Variants in GLDC observed in about 807,000 individuals in gnomAD.
GLDC encodes the protein glycine decarboxylase, also known as glycine dehydrogenase (decarboxylating), mitochondrial.
In GLDC, 104 loss-of-function variants were observed where a neutral mutation model predicts 121.3. The ratio of observed to expected loss-of-function variants is 0.86; its 90% confidence interval spans 0.73 to 1.01. The LOEUF (loss-of-function observed/expected upper bound fraction) is 1.01, where lower values mean the gene tolerates loss of function less well. Among genes scored for constraint, GLDC ranks in the 50% least tolerant of loss-of-function variants. GLDC has a pLI of 0.00. For synonymous variants in GLDC, 546 were observed against 480.6 expected (o/e 1.14, Z -1.78); for missense variants, 1,429 against 1,306.6 (o/e 1.09, Z -1.44).
chr9:6,550,935 G>A (rs374335665), intron 20 of GLDC, 21 bp from the exon 21 acceptor site: 1 of 1,453,858 alleles, frequency 6.9e-7, no homozygotes, highest in African/African-American at 1.4e-5. Flanking sequence ...GGGAAAAAGA[G>A]CCATTAGCCA....
At chr9:6,549,637 C>T (rs1212931498) in intron 21 of GLDC, among the ~76,000 whole-genome samples, 1 of 152,116 alleles carries the variant, frequency 6.6e-6, no homozygotes, top group Non-Finnish European at 1.5e-5. Flanking sequence ...GTCCTGAGCC[C>T]ACAGCCCAAT....
intron 24 of GLDC, 84 bp from the exon 25 acceptor site, chr9:6,533,244 C>T (rs1317507372): frequency 3.8e-6 from 4 of 1,056,864 alleles, no homozygotes; most frequent in Non-Finnish European, 6.0e-6. Context: ...GCTAGTCCCA[C>T]AACCTAAGAC....
intron 21 of GLDC, among the ~76,000 whole-genome samples, chr9:6,548,109 A>G (rs1817435997): frequency 6.6e-6 from 1 of 152,208 alleles, no homozygotes; most frequent in Admixed American, 6.5e-5. Context: ...ACTGCACTTC[A>G]GCCTGGACAA....
intron 24 of GLDC, chr9:6,534,310 A>T (rs866264395): frequency 3.7e-6 from 1 of 273,316 alleles, no homozygotes; most frequent in Admixed American, 4.3e-5. Context: ...TAAACAGCAC[A>T]TAGCATAATT....
chr9:6,598,027 C>A (rs1471853793), intron 8 of GLDC, among the ~76,000 whole-genome samples: 2 of 152,058 alleles, frequency 1.3e-5, no homozygotes, highest in African/African-American at 4.8e-5. Flanking sequence ...AAAATTGTTT[C>A]TTTTCCTTTT....
At position 6,534,845 on chromosome 9, in the gene GLDC, T is replaced by C. The variant is rs2282160; in HGVS notation, c.2839-57A>G. On this transcript the variant is annotated intron_variant, in intron 23 of 24. Transcript: ENST00000321612. Reference sequence around the variant, plus strand: ...AGAGCAATACACTCTCTTCTCCTCCTACCCTGCACCTCAACCGTCAATCTT... The same window carrying C: ...AGAGCAATACACTCTCTTCTCCTCCCACCCTGCACCTCAACCGTCAATCTT... 0.45 allele frequency: 405,104 copies of C among 900,590 alleles called. 92,866 individuals carry two copies. Among genetic ancestry groups the C allele is most frequent in the Admixed American group, 0.57 (31,845 of 55,690 alleles). 55.8% of individuals were successfully genotyped at this position (900,590 alleles called of 1,614,324 possible).
chr9:6,540,848 T>G (rs1163436606), intron 21 of GLDC: 4 of 152,516 alleles, frequency 2.6e-5, no homozygotes, highest in African/African-American at 9.6e-5. Flanking sequence ...GAGCCTCATG[T>G]GGGCACCCAA....
At chr9:6,604,567 G>A (rs1291938966) in intron 7 of GLDC, 21 bp downstream of exon 7, 4 of 1,590,032 alleles carry the variant, frequency 2.5e-6, no homozygotes, top group African/African-American at 2.7e-5. Context: ...AATAAAAGTA[G>A]AGAAACATGA....
chr9:6,584,864 C>T (rs529068083), intron 15 of GLDC, among the ~76,000 whole-genome samples: 147 of 152,322 alleles, frequency 9.7e-4, no homozygotes, highest in African/African-American at 3.5e-3. Flanking sequence ...CTCTTACCCT[C>T]TGCAAGATTG....
intron 13 of GLDC, 53 bp from the exon 14 acceptor site, chr9:6,588,495 C>T: frequency 6.6e-7 from 1 of 1,509,342 alleles, no homozygotes; most frequent in Non-Finnish European, 9.2e-7. Flanking sequence ...TATAGTCCAT[C>T]AATCAACCCT....
intron 3 of GLDC, among the ~76,000 whole-genome samples, chr9:6,612,187 TCA>T (rs1818870851): frequency 7.1e-6 from 1 of 140,220 alleles, no homozygotes; most frequent in South Asian, 2.3e-4. Flanking sequence ...ACACACACAC[TCA>T]CTCTCTCACA....
intron 2 of GLDC, chr9:6,644,412 C>CGAG: frequency 1.6e-6 from 1 of 622,248 alleles, no homozygotes; most frequent in Non-Finnish European, 2.9e-6. Flanking sequence ...AACACCGACT[C>CGAG]TCTCCTAACA....
At chr9:6,631,503 T>C (rs918931054) in intron 2 of GLDC, among the ~76,000 whole-genome samples, 2 of 152,244 alleles carry the variant, frequency 1.3e-5, no homozygotes, top group African/African-American at 4.8e-5. Flanking sequence ...AGGCCCCTTT[T>C]CATTTAATCT....
chr9:6,623,445 C>T (rs1037703733), intron 2 of GLDC, among the ~76,000 whole-genome samples: 2 of 148,558 alleles, frequency 1.3e-5, no homozygotes, highest in South Asian at 2.2e-4. Context: ...ATCACCACTC[C>T]GTAATCTCAA....
intron 8 of GLDC, among the ~76,000 whole-genome samples, chr9:6,599,473 A>AG: frequency 6.6e-6 from 1 of 152,158 alleles, no homozygotes; most frequent in African/African-American, 2.4e-5. Context: ...CTGTAATCCC[A>AG]GCACTTTGGG....
intron 11 of GLDC, 141 bp downstream of exon 11, chr9:6,592,002 G>A (rs2129849701): frequency 2.9e-6 from 2 of 697,054 alleles, no homozygotes; most frequent in Non-Finnish European, 5.2e-6. Context: ...TGACTAGCAA[G>A]GGATAGTCAG....
chr9:6,639,667 A>AAAGTATATATAT, intron 2 of GLDC: 1 of 322,158 alleles, frequency 3.1e-6, no homozygotes, highest in South Asian at 4.2e-5. Flanking sequence ...CATAAAAAAA[A>AAAGTATATATAT]AGTATATATA....
intron 14 of GLDC, 146 bp downstream of exon 14, chr9:6,588,255 T>A: frequency 2.7e-6 from 2 of 750,094 alleles, no homozygotes; most frequent in Non-Finnish European, 4.9e-6. Context: ...ACTCCCAAGA[T>A]TGGTGAATAG....
chr9:6,606,538 G>T (rs1346639759), intron 5 of GLDC, 54 bp downstream of exon 5: 2 of 1,012,870 alleles, frequency 2.0e-6, no homozygotes, highest in African/African-American at 3.2e-5. Flanking sequence ...GAAAGAAACA[G>T]CAGAGATGAA....
Sources: allele counts gnomAD v4.1 joint callset (sites outside exome capture counted in the v4.1 genomes callset), GRCh38; gene constraint gnomAD v4.1.1; transcripts MANE v1.5; gene names NCBI Gene and HGNC (gene_info 2026-07-23, HGNC 2026-07-21).